CACNA2D1: variants seen among roughly 807,000 people sequenced by gnomAD.
CACNA2D1 encodes calcium voltage-gated channel auxiliary subunit alpha2delta 1.
A neutral mutation model predicts 171.5 loss-of-function variants in CACNA2D1; 53 were observed. That is an observed-to-expected ratio of 0.31 (90% confidence interval 0.25 to 0.39). The LOEUF (loss-of-function observed/expected upper bound fraction) is 0.39, where lower values mean the gene tolerates loss of function less well. Ranked by LOEUF, CACNA2D1 falls within the 10% of genes least tolerant of loss-of-function variation. CACNA2D1 has a pLI of 1.00. For synonymous variants in CACNA2D1, 442 were observed against 443.1 expected (o/e 1.00, Z 0.03); for missense variants, 903 against 1,299.8 (o/e 0.69, Z 4.69).
At chr7:82,001,690 A>C in intron 18 of CACNA2D1, 1 of 1,266,528 alleles carries the variant, frequency 7.9e-7, no homozygotes, top group Non-Finnish European at 1.0e-6. Context: ...TCTTAAATTA[A>C]TTGTTGGTAT....
intron 12 of CACNA2D1, among the ~76,000 whole-genome samples, chr7:82,022,440 G>C (rs989904209): frequency 6.6e-5 from 10 of 151,830 alleles, no homozygotes; most frequent in Non-Finnish European, 1.3e-4. Flanking sequence ...TGAAACAAAA[G>C]TTTTTAGAAG....
chr7:82,029,415 G>T (rs1802371651), intron 12 of CACNA2D1: 1 of 151,630 alleles, frequency 6.6e-6, no homozygotes, highest in Non-Finnish European at 1.5e-5. Context: ...CTCTATTGTG[G>T]TTGTGGTGAT....
intron 1 of CACNA2D1, among the ~76,000 whole-genome samples, chr7:82,417,186 GATAGCCTCAGCATAGGGCCACCAC>G (rs1376702028): frequency 1.3e-5 from 2 of 152,150 alleles, no homozygotes; most frequent in South Asian, 4.1e-4. Flanking sequence ...GTATTAGTGA[GATAGCCTCAGCATAGGGCCACCAC>G]AAAATCTGTT....
intron 1 of CACNA2D1, among the ~76,000 whole-genome samples, chr7:82,426,374 G>A (rs547533653): frequency 2.6e-5 from 4 of 151,858 alleles, no homozygotes; most frequent in Non-Finnish European, 5.9e-5. Flanking sequence ...ATAAACGGCC[G>A]CACATAAAAG....
At chr7:82,055,969 A>G (rs533959595) in intron 10 of CACNA2D1, among the ~76,000 whole-genome samples, 6 of 122,624 alleles carry the variant, frequency 4.9e-5, no homozygotes, top group African/African-American at 1.8e-4. Flanking sequence ...AAAAGGAAAG[A>G]ATCCCAAAAG....
At chr7:82,205,546 C>A (rs1248179072) in intron 3 of CACNA2D1, among the ~76,000 whole-genome samples, 1 of 137,936 alleles carries the variant, frequency 7.2e-6, no homozygotes, top group African/African-American at 2.4e-5. Flanking sequence ...AAAGAAATTA[C>A]CTTTTTAAAA....
chr7:82,042,902 C>T (rs1214112641), intron 10 of CACNA2D1, among the ~76,000 whole-genome samples: 2 of 152,238 alleles, frequency 1.3e-5, no homozygotes, highest in Non-Finnish European at 2.9e-5. Flanking sequence ...TTTCATATTT[C>T]TCTGTATCCT....
At chr7:82,114,483 G>A (rs10263137) in intron 6 of CACNA2D1, among the ~76,000 whole-genome samples, 2,402 of 152,222 alleles carry the variant, frequency 0.016, 71 homozygotes, top group African/African-American at 0.055. Context: ...GGGGGCTCAC[G>A]CCTTTAATCC....
chr7:82,241,871 T>G (rs1804341406), intron 3 of CACNA2D1, among the ~76,000 whole-genome samples: 1 of 152,184 alleles, frequency 6.6e-6, no homozygotes, highest in East Asian at 1.9e-4. Flanking sequence ...GCGGTAAATT[T>G]GTGTCATTTT....
chr7:82,163,300 TA>T (rs1462946035), intron 4 of CACNA2D1, among the ~76,000 whole-genome samples: 1 of 152,092 alleles, frequency 6.6e-6, no homozygotes, highest in Non-Finnish European at 1.5e-5. Context: ...TCATTTAATT[TA>T]AAAACAACTT....
At chr7:81,997,124 A>G (rs1485542002) in intron 19 of CACNA2D1, 55 bp downstream of exon 19, 1 of 924,740 alleles carries the variant, frequency 1.1e-6, no homozygotes, top group Non-Finnish European at 1.8e-6. Context: ...TTGTAGAATG[A>G]GTGCATACCA....
At chr7:82,031,014 T>G (rs1022911298) in intron 12 of CACNA2D1, among the ~76,000 whole-genome samples, 1 of 152,108 alleles carries the variant, frequency 6.6e-6, no homozygotes, top group Middle Eastern at 3.4e-3. Context: ...CTCTGTTACG[T>G]ATTCTCAATT....
At chr7:82,333,852 C>T (rs1321286806) in intron 3 of CACNA2D1, among the ~76,000 whole-genome samples, 1 of 152,010 alleles carries the variant, frequency 6.6e-6, no homozygotes, top group Non-Finnish European at 1.5e-5. Context: ...ATGCAAAAGA[C>T]AAAGCTTAGA....
chr7:82,289,432 G>T (rs571829032), intron 3 of CACNA2D1, among the ~76,000 whole-genome samples: 2 of 152,190 alleles, frequency 1.3e-5, no homozygotes, highest in African/African-American at 4.8e-5. Flanking sequence ...GTTTGTGGAC[G>T]TAAGTTTGCA....
chr7:81,951,571 T>C (rs1055547476), intron 38 of CACNA2D1, among the ~76,000 whole-genome samples: 1 of 152,072 alleles, frequency 6.6e-6, no homozygotes, highest in African/African-American at 2.4e-5. Flanking sequence ...TAGCTCCCAC[T>C]TAGAAGTTAG....
At chr7:82,362,048 T>C (rs1192409432) in intron 1 of CACNA2D1, among the ~76,000 whole-genome samples, 2 of 152,164 alleles carry the variant, frequency 1.3e-5, no homozygotes, top group East Asian at 3.8e-4. Context: ...TCATCTCAGA[T>C]ACAGGTAGGA....
At chr7:82,107,571 T>C (rs118085897) in intron 6 of CACNA2D1, among the ~76,000 whole-genome samples, 11,079 of 146,724 alleles carry the variant, frequency 0.076, 553 homozygotes, top group South Asian at 0.15. Context: ...ATTTCACTAT[T>C]ACAATGAAAA....
chr7:82,127,937 T>G (rs1226547831), intron 5 of CACNA2D1, among the ~76,000 whole-genome samples: 1 of 152,168 alleles, frequency 6.6e-6, no homozygotes, highest in Non-Finnish European at 1.5e-5. Flanking sequence ...GTTTTTTGTT[T>G]GTTTTTGAGA....
intron 15 of CACNA2D1, 133 bp downstream of exon 15, chr7:82,012,021 A>C: frequency 1.4e-6 from 1 of 691,636 alleles, no homozygotes; most frequent in Non-Finnish European, 2.6e-6. Context: ...ATTCTAGGAA[A>C]GAAGTCTGTG....
Sources: gnomAD v4.1 joint callset for allele counts (sites outside exome capture counted in the v4.1 genomes callset) on GRCh38, gnomAD v4.1.1 for gene constraint, MANE v1.5 for transcripts, NCBI Gene and HGNC (gene_info 2026-07-23, HGNC 2026-07-21) for gene names.